IQCN: variants seen among roughly 807,000 people sequenced by gnomAD.
The protein encoded by IQCN is IQ motif containing N, also known as IQ domain-containing protein N.
IQCN carries 46 observed loss-of-function variants against 64.4 expected under a neutral mutation model. The ratio of observed to expected loss-of-function variants is 0.71; its 90% CI spans 0.56 to 0.91. The LOEUF (loss-of-function observed/expected upper bound fraction) is 0.91. Ranked by LOEUF, IQCN falls within the 40% of genes least tolerant of loss-of-function variation. The pLI, the probability that IQCN is intolerant of heterozygous loss-of-function variation, is 0.00. For synonymous variants in IQCN, 733 were observed against 775.6 expected, an observed-to-expected ratio of 0.95 and a Z score of 0.91; for missense variants, 1,753 against 1,857.4, an observed-to-expected ratio of 0.94 and a Z score of 1.03.
chr19:18,265,625 C>T lies in IQCN; in HGVS notation c.1915G>A (p.Glu639Lys). Reference protein sequence around the residue: ...AGAPSWTKVAEEGDKPPHVYV... With the variant: ...AGAPSWTKVAKEGDKPPHVYV... Reference sequence around the variant, plus strand: ...ACGTGAGGTGGCTTGTCCCCTTCCTCAGCAACTTTTGTCCAGGATGGAGCC... The same window carrying T: ...ACGTGAGGTGGCTTGTCCCCTTCCTTAGCAACTTTTGTCCAGGATGGAGCC... Residue 639 changes from glutamate (E) to lysine (K), a missense_variant, in exon 3 of 4, where the codon GAG (glutamate) becomes AAG (lysine). By Grantham distance (56) the Glu-to-Lys change is moderately conservative. Transcript: ENST00000392413. The surrounding 1 kb of genome is among the most constrained non-coding windows in gnomAD (Gnocchi z 4.7). The T allele has an allele frequency of 6.2e-7, 1 of 1,614,096 alleles. No homozygotes were observed. Among genetic ancestry groups the T allele is most frequent in the Non-Finnish European group, 8.5e-7 (1 of 1,180,004 alleles).
At position 18,264,673 on chromosome 19, in the gene IQCN, C is replaced by A. The variant is rs994948250; in HGVS notation, c.2867G>T (p.Arg956Leu). Reference sequence around the variant, plus strand: ...GGTGAGTTCCGCCCGCAGCTCGCCCCGGGACAGGGCTCGGGACAGGGTCAG... The same window carrying A: ...GGTGAGTTCCGCCCGCAGCTCGCCCAGGGACAGGGCTCGGGACAGGGTCAG... ...LRLTLSRALS[R>L]GELRAELTKV... The change falls in exon 3 of 4, where the codon CGG becomes CTG. Residue 956 changes from arginine to leucine, a missense_variant. Physicochemically the swap from Arg to Leu is moderately radical, Grantham distance 102 (BLOSUM62 -2). Transcript: ENST00000392413. This position sits in a 1 kb window ranked among gnomAD's most constrained non-coding sequence, Gnocchi z 4.3. The A allele has an allele frequency of 6.4e-7, 1 of 1,551,196 alleles. No individual in the cohort carries two copies. Among genetic ancestry groups the A allele is most frequent in the Admixed American group, 2.0e-5 (1 of 50,988 alleles).
intron 1 of IQCN, among the ~76,000 whole-genome samples, chr19:18,271,618 A>C (rs1969737355): frequency 6.6e-6 from 1 of 152,122 alleles, no homozygotes; most frequent in African/African-American, 2.4e-5. Flanking sequence ...TAATTGCTGG[A>C]TCGGCCAAGC....
chr19:18,260,562 G>A lies in IQCN; in HGVS notation c.3178-2456C>T, dbSNP rs565679079. On this transcript the variant is annotated intron_variant, in intron 3 of 3. Transcript: ENST00000392413. ...GCTTAGGGCTTCCGTGTGGGCCACA[G>A]ATGGTGGGAATAGGCTGGGGGCTAT... 8.0e-4 allele frequency: 122 copies of A among 153,022 alleles called. 2 individuals carry two copies. The highest frequency in any genetic ancestry group is 2.7e-3 in the African/African-American group (111 of 41,590). 9.5% of individuals were successfully genotyped at this position (153,022 alleles called of 1,614,324 possible). A position where few individuals can be genotyped will look rare whatever the true frequency, so the allele number is the denominator to read the frequency against.
rs753601951 is a variant in IQCN at position 18,266,448 on chromosome 19, G to C, written c.1092C>G (p.Pro364=). ...TTACTTTGGGAACTGGGCTAGTCTT[G>C]GGTGGGGTGGTGGTCATCGTGGACG... ...YPASTMTTTP[P]KTSPVPKVTI... Residue 364 remains proline, a synonymous_variant, in exon 3 of 4, where the codon CCC becomes CCG. Transcript: ENST00000392413. The surrounding 1 kb of genome is among the most constrained non-coding windows in gnomAD (Gnocchi z 4.3). 11 of 1,584,856 alleles carry C rather than the reference G, an allele frequency of 6.9e-6. No individual in the cohort carries two copies.
Position 18,264,390 on chromosome 19 carries a change from C to A in IQCN, c.3150G>T (p.Leu1050=). Residue 1050 remains leucine, a synonymous_variant, in exon 3 of 4, where the codon CTG becomes CTT. Coordinates refer to ENST00000392413, the MANE Select transcript of IQCN (RefSeq NM_001145304.2). This position sits in a 1 kb window ranked among gnomAD's most constrained non-coding sequence, Gnocchi z 4.3. The part of the protein sequence containing the change: ...RSPSAAWGPS[L]GPVRPQTSKG... ...TGCTGGTCTGTGGTCTCACGGGGCC[C>A]AGGGAGGGCCCCCATGCGGCCGATG... is the stretch of plus-strand genomic sequence containing the variant. 3 of 1,516,698 alleles carry A rather than the reference C, an allele frequency of 2.0e-6. No individual in the cohort carries two copies. Among genetic ancestry groups the A allele is most frequent in the Non-Finnish European group, 2.7e-6 (3 of 1,129,488 alleles). 94.0% of individuals were successfully genotyped at this position (1,516,698 alleles called of 1,614,324 possible).
At position 18,264,620 on chromosome 19, in the gene IQCN, C is replaced by T; in HGVS notation, c.2920G>A (p.Val974Met). ...TKVMQGKLAE[V>M]LSKALTEEEW... Reference sequence around the variant, plus strand: ...TCCTCCGTCAAAGCCTTGCTAAGCACCTCGGCCAATTTACCCTGCATGACC... The same window carrying T: ...TCCTCCGTCAAAGCCTTGCTAAGCATCTCGGCCAATTTACCCTGCATGACC... Residue 974 changes from valine to methionine, a missense_variant, in exon 3 of 4, where the codon GTG (valine) becomes ATG (methionine). Physicochemically the swap from Val to Met is conservative, Grantham distance 21 (BLOSUM62 1). Transcript: ENST00000392413. This position sits in a 1 kb window ranked among gnomAD's most constrained non-coding sequence, Gnocchi z 4.3. 6.4e-7 allele frequency: 1 copy of T among 1,551,468 alleles called. No individual in the cohort carries two copies. The highest frequency in any genetic ancestry group is 8.7e-7 in the Non-Finnish European group (1 of 1,146,976).
chr19:18,271,970 C>A (rs1388647918), intron 1 of IQCN, among the ~76,000 whole-genome samples: 1 of 151,650 alleles, frequency 6.6e-6, no homozygotes, highest in African/African-American at 2.4e-5. Context: ...TCCCACCACA[C>A]CCAGCTAATT....
In IQCN at chr19:18,267,729, T is replaced by C. The variant is rs1969634652; in HGVS notation, c.14-203A>G. ...CTCTCATCACCCTACGGCCACTTCA[T>C]CTTGGCACACAGTGTATGACACCTG... is the stretch of plus-strand genomic sequence containing the variant. On this transcript the variant is annotated intron_variant, in intron 2 of 3. Coordinates refer to ENST00000392413, the MANE Select transcript of IQCN (RefSeq NM_001145304.2). The C allele has an allele frequency of 6.1e-6, 3 of 492,166 alleles. No individual in the cohort carries two copies. In the South Asian group the frequency reaches 1.6e-4, roughly 26 times the overall value. 30.5% of individuals were successfully genotyped at this position (492,166 alleles called of 1,614,324 possible). A position where few individuals can be genotyped will look rare whatever the true frequency, so the allele number is the denominator to read the frequency against.
rs1252558866 is a variant in IQCN, at chr19:18,274,409, CT to C, written c.-117del. The C allele has an allele frequency of 1.3e-5, 2 of 152,508 alleles. No individual in the cohort carries two copies. Among genetic ancestry groups the C allele is most frequent in the Non-Finnish European group, 2.9e-5 (2 of 68,304 alleles). The allele number at this position is 152,508 out of a possible 1,614,324, so 9.4% of individuals were successfully genotyped here. On this transcript the variant is annotated 5_prime_UTR_variant, in exon 1 of 4. Coordinates refer to ENST00000392413, the MANE Select transcript of IQCN (RefSeq NM_001145304.2). ...AGCCACCAGCCCCACTCACCTGCCC[CT>C]GAAGCTAAACCTAGCAGTCTGAACG...
At chr19:18,271,621 G>A (rs1173951155) in intron 1 of IQCN, among the ~76,000 whole-genome samples, 2 of 152,028 alleles carry the variant, frequency 1.3e-5, no homozygotes, top group African/African-American at 2.4e-5. Flanking sequence ...TTGCTGGATC[G>A]GCCAAGCCAG....
chr19:18,272,766 A>T (rs1219870589), intron 1 of IQCN, among the ~76,000 whole-genome samples: 6 of 151,700 alleles, frequency 4.0e-5, no homozygotes, highest in African/African-American at 1.5e-4. Context: ...GCCTGCCACC[A>T]CGCCCAGTTA....
Position 18,264,760 on chromosome 19 carries a change from G to A in IQCN, c.2780C>T (p.Ala927Val). The A allele has an allele frequency of 7.7e-6, 12 of 1,551,228 alleles. No homozygotes were observed. Among genetic ancestry groups the A allele is most frequent in the South Asian group, 1.2e-5 (1 of 84,134 alleles). Residue 927 changes from alanine (A) to valine (V), a missense_variant, in exon 3 of 4, where the codon GCC becomes GTC. Transcript: ENST00000392413. The surrounding 1 kb of genome is among the most constrained non-coding windows in gnomAD (Gnocchi z 4.3). ...KEVLGATVTKALPQSMLSMAL... is the reference protein window; with the variant it reads ...KEVLGATVTKVLPQSMLSMAL... Reference sequence around the variant, plus strand: ...CATGCTCAGCATGCTCTGGGGCAGGGCTTTGGTGACAGTGGCACCCAGGAC... The same window carrying A: ...CATGCTCAGCATGCTCTGGGGCAGGACTTTGGTGACAGTGGCACCCAGGAC...
chr19:18,267,762 G>T, intron 2 of IQCN: 2 of 400,126 alleles, frequency 5.0e-6, no homozygotes, highest in Non-Finnish European at 8.7e-6. Flanking sequence ...CTGAATGCCC[G>T]ACCACTTACC....
chr19:18,266,562 G>A lies in IQCN; in HGVS notation c.978C>T (p.Pro326=), dbSNP rs756760662. The A allele has an allele frequency of 1.2e-6, 2 of 1,613,370 alleles. No individual in the cohort carries two copies. Among genetic ancestry groups the A allele is most frequent in the Admixed American group, 3.3e-5 (2 of 59,960 alleles). The change falls in exon 3 of 4, where the codon CCC becomes CCT. Residue 326 remains proline (P), a synonymous_variant. Coordinates refer to ENST00000392413, the MANE Select transcript of IQCN (RefSeq NM_001145304.2). This position sits in a 1 kb window ranked among gnomAD's most constrained non-coding sequence, Gnocchi z 4.3. ...GPVKAETPKA[P]FQICPGPMIT... is the part of the protein sequence containing the mutation. The stretch of plus-strand genomic sequence containing the variant: ...TCATGGGCCCTGGACATATCTGGAA[G>A]GGGGCTTTGGGGGTCTCTGCTTTCA...
At chr19:18,270,098 GC>G (rs1369553601) in intron 1 of IQCN, among the ~76,000 whole-genome samples, 5 of 143,662 alleles carry the variant, frequency 3.5e-5, no homozygotes, top group Non-Finnish European at 7.5e-5. Flanking sequence ...CGTGGCTCAC[GC>G]CTGTAATTCC....
At position 18,267,617 on chromosome 19, in the gene IQCN, G is replaced by C. The variant is rs1010723242; in HGVS notation, c.14-91C>G. On this transcript the variant is annotated intron_variant, in intron 2 of 3. Coordinates refer to ENST00000392413, the MANE Select transcript of IQCN (RefSeq NM_001145304.2). ...GGTGGACACTGGCCCCCCAGGCCCA[G>C]ATCTTGTTCCTGGCACGTTGCGATC... 4 of 1,431,012 alleles carry C rather than the reference G, an allele frequency of 2.8e-6. No individual in the cohort carries two copies. In the Admixed American group the frequency reaches 7.6e-5, roughly 27 times the overall value. 88.6% of individuals were successfully genotyped at this position (1,431,012 alleles called of 1,614,324 possible).
rs753287855 is a variant in IQCN, at chr19:18,265,880, C to T, written c.1660G>A (p.Ala554Thr). The T allele has an allele frequency of 1.7e-5, 27 of 1,614,162 alleles. No homozygotes were observed. The highest frequency in any genetic ancestry group is 2.3e-5 in the Non-Finnish European group (27 of 1,180,022). The change falls in exon 3 of 4, where the codon GCC (alanine) becomes ACC (threonine). Residue 554 changes from alanine (A) to threonine (T), a missense_variant. Coordinates refer to ENST00000392413, the MANE Select transcript of IQCN (RefSeq NM_001145304.2). This position sits in a 1 kb window ranked among gnomAD's most constrained non-coding sequence, Gnocchi z 4.7. Reference sequence around the variant, plus strand: ...TGCTTCACATTCACGGTGGCCTTGGCCTTGGGTGGGTTCTCATGGATGGAG... The same window carrying T: ...TGCTTCACATTCACGGTGGCCTTGGTCTTGGGTGGGTTCTCATGGATGGAG... Reference protein sequence around the residue: ...SGSIHENPPKAKATVNVKQAA... With the variant: ...SGSIHENPPKTKATVNVKQAA...
chr19:18,258,853 G>C, intron 3 of IQCN: 1 of 185,212 alleles, frequency 5.4e-6, no homozygotes, highest in East Asian at 1.3e-4. Context: ...AAAGGGACAG[G>C]GACCATGCCA....
At position 18,257,830 on chromosome 19, in the gene IQCN, C is replaced by G; in HGVS notation, c.3454G>C (p.Val1152Leu). 1 of 1,611,434 alleles carries G rather than the reference C, an allele frequency of 6.2e-7. No individual in the cohort carries two copies. Among genetic ancestry groups the G allele is most frequent in the South Asian group, 1.1e-5 (1 of 91,020 alleles). Reference sequence around the variant, plus strand: ...CAGAGGTGTGCCAGGTTCCGCCGCACACGGTAGCCGCGCCAAGTAGCTTGG... The same window carrying G: ...CAGAGGTGTGCCAGGTTCCGCCGCAGACGGTAGCCGCGCCAAGTAGCTTGG... ...VIQATWRGYR[V>L]RRNLAHLCRA... The change falls in exon 4 of 4, where the codon GTG (valine) becomes CTG (leucine). Residue 1152 changes from valine to leucine, a missense_variant. Transcript: ENST00000392413.
Sources: gnomAD v4.1 joint callset for allele counts (sites outside exome capture counted in the v4.1 genomes callset) on GRCh38, gnomAD v4.1.1 for gene constraint, Gnocchi (gnomAD v3.1) non-coding constraint, MANE v1.5 for transcripts, NCBI Gene and HGNC (gene_info 2026-07-23, HGNC 2026-07-21) for gene names.